ARSB: variants seen among roughly 807,000 people sequenced by gnomAD.
ARSB encodes the protein N-acetylgalactosamine-4-sulfatase.
A neutral mutation model predicts 50.9 loss-of-function variants in ARSB; 41 were observed. The observed-to-expected ratio is 0.81, with a 90% CI of 0.63 to 1.04. The LOEUF (loss-of-function observed/expected upper bound fraction) is 1.04, where lower values mean the gene tolerates loss of function less well. Ranked by LOEUF, ARSB falls within the 50% of genes least tolerant of loss-of-function variation. The pLI, the probability that ARSB is intolerant of heterozygous loss-of-function variation, is 0.00. For synonymous variants in ARSB, 269 were observed against 284.8 expected, an observed-to-expected ratio of 0.94 and a Z score of 0.56; for missense variants, 672 against 693.3, an observed-to-expected ratio of 0.97 and a Z score of 0.35.
At chr5:78,840,183 G>A (rs1271467562) in intron 5 of ARSB, among the ~76,000 whole-genome samples, 1 of 152,208 alleles carries the variant, frequency 6.6e-6, no homozygotes, top group Non-Finnish European at 1.5e-5. Flanking sequence ...AGGTCATTTT[G>A]CTAGTGTAGA....
chr5:78,888,271 C>T (rs536764653), intron 4 of ARSB, among the ~76,000 whole-genome samples: 6 of 152,232 alleles, frequency 3.9e-5, no homozygotes, highest in Non-Finnish European at 8.8e-5. Flanking sequence ...TGAGCAGACC[C>T]GTATATTCAA....
chr5:78,844,407 A>G (rs1251246952), intron 5 of ARSB, among the ~76,000 whole-genome samples: 2 of 152,122 alleles, frequency 1.3e-5, no homozygotes, highest in Non-Finnish European at 2.9e-5. Flanking sequence ...TTTATGATTG[A>G]GTTGCATGAA....
At chr5:78,853,208 T>G (rs573748820) in intron 5 of ARSB, among the ~76,000 whole-genome samples, 2 of 152,346 alleles carry the variant, frequency 1.3e-5, no homozygotes, top group African/African-American at 4.8e-5. Context: ...TGGTCTTTGA[T>G]GATGGTGATG....
chr5:78,872,302 C>T (rs1747239858), intron 5 of ARSB, among the ~76,000 whole-genome samples: 3 of 151,676 alleles, frequency 2.0e-5, no homozygotes, highest in South Asian at 4.2e-4. Flanking sequence ...TTGACCCAGC[C>T]ATCCCATTAC....
intron 4 of ARSB, 111 bp downstream of exon 4, chr5:78,955,184 G>T: frequency 9.7e-7 from 1 of 1,033,616 alleles, no homozygotes; most frequent in Non-Finnish European, 1.5e-6. Flanking sequence ...ATTGCAGTTT[G>T]CATTTATTTT....
At chr5:78,850,486 TC>T (rs1745711268) in intron 5 of ARSB, among the ~76,000 whole-genome samples, 2 of 151,288 alleles carry the variant, frequency 1.3e-5, no homozygotes, top group Non-Finnish European at 2.9e-5. Flanking sequence ...GATTTTTGCA[TC>T]AATGTTCATC....
intron 5 of ARSB, among the ~76,000 whole-genome samples, chr5:78,867,873 G>A (rs12522377): frequency 0.23 from 32,765 of 140,920 alleles, 4,519 homozygotes; most frequent in Admixed American, 0.32. Flanking sequence ...TGAGCTACGG[G>A]AGGACATTCA....
intron 4 of ARSB, among the ~76,000 whole-genome samples, chr5:78,907,392 CAG>C (rs1209206677): frequency 6.6e-6 from 1 of 152,162 alleles, no homozygotes; most frequent in African/African-American, 2.4e-5. Flanking sequence ...GACTTTGGTT[CAG>C]AGTGAGGACT....
intron 4 of ARSB, 34 bp from the exon 5 acceptor site, chr5:78,885,861 T>C (rs749296468): frequency 5.6e-6 from 9 of 1,614,052 alleles, no homozygotes; most frequent in Admixed American, 5.0e-5. Flanking sequence ...ATGAGGATGA[T>C]GTTAACTCTT....
chr5:78,839,815 G>A (rs1238449659), intron 5 of ARSB, among the ~76,000 whole-genome samples: 1 of 152,138 alleles, frequency 6.6e-6, no homozygotes, highest in East Asian at 1.9e-4. Flanking sequence ...TGCCAAAATG[G>A]TGGCACCAAT....
At chr5:78,854,919 T>C (rs963375484) in intron 5 of ARSB, among the ~76,000 whole-genome samples, 5 of 152,214 alleles carry the variant, frequency 3.3e-5, no homozygotes, top group African/African-American at 7.2e-5. Context: ...TCCTGGCTTG[T>C]CAGGTTTCTG....
chr5:78,855,064 T>A (rs977132876), intron 5 of ARSB, among the ~76,000 whole-genome samples: 1 of 152,126 alleles, frequency 6.6e-6, no homozygotes, highest in Admixed American at 6.5e-5. Context: ...AGGAGGCTAG[T>A]ACAGCCCCAG....
intron 6 of ARSB, among the ~76,000 whole-genome samples, chr5:78,814,664 G>A (rs563520106): frequency 6.6e-5 from 10 of 150,674 alleles, no homozygotes; most frequent in South Asian, 2.1e-4. Context: ...GGTGTTGTTC[G>A]TTATCTTTAT....
chr5:78,787,104 A>ATCTG (rs1448457669), intron 6 of ARSB, among the ~76,000 whole-genome samples: 1 of 150,942 alleles, frequency 6.6e-6, no homozygotes, highest in East Asian at 1.9e-4. Context: ...CTATCTATCT[A>ATCTG]TCTATCTATC....
intron 4 of ARSB, among the ~76,000 whole-genome samples, chr5:78,954,998 G>A (rs1439035557): frequency 6.6e-6 from 1 of 152,146 alleles, no homozygotes; most frequent in Non-Finnish European, 1.5e-5. Flanking sequence ...CCACTCTAGG[G>A]ATTCACTACC....
intron 4 of ARSB, among the ~76,000 whole-genome samples, chr5:78,906,159 CAT>C (rs1198579902): frequency 7.0e-5 from 10 of 141,904 alleles, no homozygotes; most frequent in African/African-American, 2.8e-4. Flanking sequence ...GCTAACCAAA[CAT>C]AAAAAATTAA....
At chr5:78,982,546 C>T (rs1752952468) in intron 1 of ARSB, among the ~76,000 whole-genome samples, 1 of 152,148 alleles carries the variant, frequency 6.6e-6, no homozygotes, top group Non-Finnish European at 1.5e-5. Flanking sequence ...GGGCCACGTG[C>T]CCTGGGTCAA....
Position 78,985,208 on chromosome 5 carries a change from C to G in ARSB, c.41G>C (p.Gly14Ala). The G allele has an allele frequency of 7.3e-7, 1 of 1,368,516 alleles. No homozygotes were observed. The highest frequency in any genetic ancestry group is 9.4e-7 in the Non-Finnish European group (1 of 1,064,910). The allele number at this position is 1,368,516 out of a possible 1,614,324, so 84.8% of individuals were successfully genotyped here. Reference sequence around the variant, plus strand: ...GACGGGGAGGAGCAGCCGCCGAGGTCCGGGGCCTCGGGGCAAGCTCGCCGC... The same window carrying G: ...GACGGGGAGGAGCAGCCGCCGAGGTGCGGGGCCTCGGGGCAAGCTCGCCGC... Reference protein sequence around the residue: ...RGAASLPRGPGPRRLLLPVVL... With the variant: ...RGAASLPRGPAPRRLLLPVVL... The change falls in exon 1 of 8, where the codon GGA (glycine) becomes GCA (alanine). Residue 14 changes from glycine (G) to alanine (A), a missense_variant. Physicochemically the swap from Gly to Ala is moderately conservative, Grantham distance 60. Coordinates refer to ENST00000264914, the MANE Select transcript of ARSB (RefSeq NM_000046.5).
chr5:78,954,511 A>T (rs1210298972), intron 4 of ARSB, among the ~76,000 whole-genome samples: 1 of 152,122 alleles, frequency 6.6e-6, no homozygotes, highest in Non-Finnish European at 1.5e-5. Flanking sequence ...TCAGAAAAAA[A>T]ATATTTTTTT....
Sources: allele counts gnomAD v4.1 joint callset (sites outside exome capture counted in the v4.1 genomes callset), GRCh38; gene constraint gnomAD v4.1.1; transcripts MANE v1.5; gene names NCBI Gene and HGNC (gene_info 2026-07-23, HGNC 2026-07-21).